ANP32B: variants seen among roughly 807,000 people sequenced by gnomAD.
ANP32B encodes acidic leucine-rich nuclear phosphoprotein 32 family member B.
A neutral mutation model predicts 32.2 loss-of-function variants in ANP32B; 6 were observed. The ratio of observed to expected loss-of-function variants is 0.19; its 90% confidence interval spans 0.10 to 0.37. ANP32B has a LOEUF of 0.37. Among genes scored for constraint, ANP32B ranks in the 10% least tolerant of loss-of-function variants. The pLI, the probability that ANP32B is intolerant of heterozygous loss-of-function variation, is 1.00. For missense variants in ANP32B, 204 were observed against 289.2 expected, an observed-to-expected ratio of 0.71 and a Z score of 2.14; for synonymous variants, 98 against 105.8, an observed-to-expected ratio of 0.93 and a Z score of 0.45.
intron 4 of ANP32B, among the ~76,000 whole-genome samples, chr9:98,007,274 G>T (rs1370892578): frequency 6.6e-6 from 1 of 152,198 alleles, no homozygotes; most frequent in African/African-American, 2.4e-5. Flanking sequence ...AAGGACATTT[G>T]TCATGAACTT....
At chr9:97,985,764 A>G (rs1290067355) in intron 1 of ANP32B, among the ~76,000 whole-genome samples, 1 of 152,196 alleles carries the variant, frequency 6.6e-6, no homozygotes, top group Non-Finnish European at 1.5e-5. Flanking sequence ...GTTTTCATAT[A>G]TGAAGTAATA....
intron 6 of ANP32B, among the ~76,000 whole-genome samples, chr9:98,014,839 G>A (rs565255705): frequency 5.4e-4 from 82 of 152,232 alleles, no homozygotes; most frequent in African/African-American, 1.7e-3. Context: ...TGCAACCTCC[G>A]CCTTCCGGAT....
In ANP32B at chr9:97,998,602, C is replaced by T. The variant is rs1178261907; in HGVS notation, c.251C>T (p.Ala84Val). The T allele has an allele frequency of 7.4e-6, 12 of 1,612,386 alleles. No homozygotes were observed. The highest frequency in any genetic ancestry group is 1.0e-5 in the Non-Finnish European group (12 of 1,179,432). Residue 84 changes from alanine to valine, a missense_variant, in exon 3 of 7, where the codon GCT becomes GTT. Coordinates refer to ENST00000339399, the MANE Select transcript of ANP32B (RefSeq NM_006401.3). The stretch of plus-strand genomic sequence containing the variant: ...ATCTTTGGAGGTCTGGACATGTTAG[C>T]TGAAAAACTTCCAAATCTCACACAT... ...NRIFGGLDML[A>V]EKLPNLTHLN...
At chr9:97,992,335 C>T (rs775730996) in intron 1 of ANP32B, among the ~76,000 whole-genome samples, 6 of 152,170 alleles carry the variant, frequency 3.9e-5, no homozygotes, top group Admixed American at 6.5e-5. Context: ...ATGATCCGCC[C>T]GCCTTGACCT....
At chr9:98,007,598 A>G (rs1432964578) in intron 4 of ANP32B, among the ~76,000 whole-genome samples, 2 of 152,218 alleles carry the variant, frequency 1.3e-5, no homozygotes, top group African/African-American at 4.8e-5. Context: ...CATATCAGGA[A>G]AACTGAATTG....
chr9:97,999,846 T>C (rs1373350144), intron 3 of ANP32B, among the ~76,000 whole-genome samples: 1 of 152,168 alleles, frequency 6.6e-6, no homozygotes, highest in African/African-American at 2.4e-5. Context: ...GCTGTGCTAT[T>C]TGGAAGAGGG....
At chr9:97,999,274 C>T (rs1827952602) in intron 3 of ANP32B, among the ~76,000 whole-genome samples, 1 of 152,128 alleles carries the variant, frequency 6.6e-6, no homozygotes, top group Non-Finnish European at 1.5e-5. Flanking sequence ...TTTTGAAATT[C>T]ATGTATTGAC....
chr9:98,015,271 C>A (rs1828255539), intron 6 of ANP32B, 93 bp from the exon 7 acceptor site: 23 of 1,510,694 alleles, frequency 1.5e-5, no homozygotes, highest in Admixed American at 2.1e-5. Context: ...TATCTCCTAA[C>A]TGTCAAAAAC....
chr9:98,013,021 C>T (rs1340758495), intron 6 of ANP32B, among the ~76,000 whole-genome samples: 1 of 152,200 alleles, frequency 6.6e-6, no homozygotes, highest in Non-Finnish European at 1.5e-5. Context: ...TGAGCCACCA[C>T]ACCCGGCCTG....
chr9:97,990,433 C>T (rs1405454463), intron 1 of ANP32B, among the ~76,000 whole-genome samples: 1 of 152,228 alleles, frequency 6.6e-6, no homozygotes, highest in Non-Finnish European at 1.5e-5. Context: ...CCAGTGGTCT[C>T]TGCTTTATGC....
chr9:98,009,630 C>T (rs867085697), intron 4 of ANP32B, among the ~76,000 whole-genome samples: 1 of 152,256 alleles, frequency 6.6e-6, no homozygotes, highest in African/African-American at 2.4e-5. Flanking sequence ...GCGGAGTTCA[C>T]GTGGTAATGG....
chr9:97,996,680 G>A (rs188332403), intron 2 of ANP32B, among the ~76,000 whole-genome samples: 2 of 152,022 alleles, frequency 1.3e-5, no homozygotes, highest in East Asian at 3.9e-4. Flanking sequence ...TGCAACCTCC[G>A]CCTCCCAGGT....
intron 1 of ANP32B, among the ~76,000 whole-genome samples, chr9:97,991,331 T>C (rs572736694): frequency 1.3e-5 from 2 of 152,116 alleles, no homozygotes; most frequent in Admixed American, 1.3e-4. Flanking sequence ...CCCAGGTGAC[T>C]CTTGGACTCC....
intron 1 of ANP32B, among the ~76,000 whole-genome samples, chr9:97,988,326 T>C (rs1190523877): frequency 6.6e-6 from 1 of 152,178 alleles, no homozygotes; most frequent in African/African-American, 2.4e-5. Context: ...CAGATTGCTT[T>C]TCAGAATGGT....
In ANP32B at chr9:98,005,125, T is replaced by C; in HGVS notation, c.489T>C (p.Asp163=). The change falls in exon 4 of 7, where the codon GAT becomes GAC. Residue 163 remains aspartate, a synonymous_variant. Transcript: ENST00000339399. Reference sequence around the variant, plus strand: ...CACCTGACTCAGATGCCGAGGTGGATGGTGTGGATGAAGAGGAGGAGGACG... The same window carrying C: ...CACCTGACTCAGATGCCGAGGTGGACGGTGTGGATGAAGAGGAGGAGGACG... ...QEAPDSDAEV[D]GVDEEEEDEE... The C allele has an allele frequency of 1.2e-6, 2 of 1,612,584 alleles. No homozygotes were observed. The highest frequency in any genetic ancestry group is 1.7e-6 in the Non-Finnish European group (2 of 1,179,590).
In ANP32B at chr9:98,012,166, G is replaced by A. The variant is rs896361998; in HGVS notation, c.637-255G>A. 3.3e-5 allele frequency among the ~76,000 whole-genome samples: 5 copies of A among 152,070 alleles called. 1 individual carries two copies. In the East Asian group the frequency reaches 9.6e-4, roughly 29 times the overall value. Reference sequence around the variant, plus strand: ...AAGATGTTTTCTTGAATTATCCAGAGTTATATACTAATTAAACATCTAGCA... The same window carrying A: ...AAGATGTTTTCTTGAATTATCCAGAATTATATACTAATTAAACATCTAGCA... On this transcript the variant is annotated intron_variant, in intron 5 of 6. Transcript: ENST00000339399.
In ANP32B at chr9:98,010,904, G is replaced by A. The variant is rs181221327; in HGVS notation, c.518-367G>A. On this transcript the variant is annotated intron_variant, in intron 4 of 6. Transcript: ENST00000339399. ...ACAGTGACAAAGGGTAAAAATAATA[G>A]CAAAATGAACCCCCATGTTCTTATC... Among the ~76,000 whole-genome samples the A allele has an allele frequency of 2.6e-3, 393 of 151,814 alleles. 1 individual carries two copies. Among genetic ancestry groups the A allele is most frequent in the African/African-American group, 9.2e-3 (381 of 41,380 alleles).
intron 5 of ANP32B, among the ~76,000 whole-genome samples, chr9:98,011,758 G>A (rs1013090079): frequency 2.6e-5 from 4 of 152,136 alleles, no homozygotes; most frequent in African/African-American, 7.2e-5. Flanking sequence ...ACTTTTTCTT[G>A]TATATTCAGT....
At chr9:98,000,986 T>C (rs1827981283) in intron 3 of ANP32B, among the ~76,000 whole-genome samples, 1 of 151,738 alleles carries the variant, frequency 6.6e-6, no homozygotes, top group Non-Finnish European at 1.5e-5. Context: ...CCTCTTCTTC[T>C]CTTTCCACCT....
Sources: gnomAD v4.1 joint callset for allele counts (sites outside exome capture counted in the v4.1 genomes callset) on GRCh38, gnomAD v4.1.1 for gene constraint, MANE v1.5 for transcripts, NCBI Gene and HGNC (gene_info 2026-07-23, HGNC 2026-07-21) for gene names.